Variants in SNX4 observed in about 807,000 individuals in gnomAD.
SNX4 encodes sorting nexin 4, also known as sorting nexin-4.
Under a neutral mutation model 70.8 loss-of-function variants are expected in SNX4, and 49 were observed. The ratio of observed to expected loss-of-function variants is 0.69; its 90% CI spans 0.55 to 0.88. SNX4 has a LOEUF of 0.88. SNX4 is among the 40% of genes least tolerant of loss of function. The probability of loss-of-function intolerance (pLI) is 0.00; values close to 1 mark genes in which losing one functional copy is unlikely to be tolerated. For missense variants in SNX4, 528 were observed against 544.8 expected (o/e 0.97, Z 0.31); for synonymous variants, 206 against 183.8 (o/e 1.12, Z -0.98).
At chr3:125,459,220 C>T (rs1243164661) in intron 10 of SNX4, among the ~76,000 whole-genome samples, 1 of 151,874 alleles carries the variant, frequency 6.6e-6, no homozygotes, top group Non-Finnish European at 1.5e-5. Context: ...CAAGAACACT[C>T]TCTTTCCTCC....
intron 8 of SNX4, among the ~76,000 whole-genome samples, chr3:125,475,954 C>T (rs1934280264): frequency 6.6e-6 from 1 of 150,418 alleles, no homozygotes; most frequent in Non-Finnish European, 1.5e-5. Context: ...ACTCCAGCCT[C>T]GGTGACAAAG....
chr3:125,486,142 G>C (rs1403673432), intron 6 of SNX4, among the ~76,000 whole-genome samples: 1 of 152,116 alleles, frequency 6.6e-6, no homozygotes, highest in Non-Finnish European at 1.5e-5. Context: ...CCTGGCCTCT[G>C]TAAGCATTCT....
At chr3:125,477,179 G>A (rs114294026) in intron 7 of SNX4, among the ~76,000 whole-genome samples, 10,282 of 152,158 alleles carry the variant, frequency 0.068, 474 homozygotes, top group Non-Finnish European at 0.1. Flanking sequence ...CTGAGAATAA[G>A]CCTTTTTCCC....
chr3:125,515,722 T>C (rs549420429), intron 1 of SNX4, among the ~76,000 whole-genome samples: 3 of 147,126 alleles, frequency 2.0e-5, no homozygotes, highest in East Asian at 2.0e-4. Flanking sequence ...TTCAAAAAAA[T>C]CTGAGAGCCA....
At chr3:125,518,538 T>A (rs751258650) in intron 1 of SNX4, among the ~76,000 whole-genome samples, 1 of 152,144 alleles carries the variant, frequency 6.6e-6, no homozygotes, top group Non-Finnish European at 1.5e-5. Flanking sequence ...CAGGCAAAAC[T>A]TTCAAATCCT....
At chr3:125,447,890 G>C in intron 13 of SNX4, 64 bp from the exon 14 acceptor site, 1 of 1,037,426 alleles carries the variant, frequency 9.6e-7, no homozygotes, top group South Asian at 1.5e-5. Context: ...CCAAGTACTT[G>C]GCTTAGTGGT....
chr3:125,484,968 A>G (rs1934489215), intron 6 of SNX4, among the ~76,000 whole-genome samples: 1 of 152,106 alleles, frequency 6.6e-6, no homozygotes, highest in Non-Finnish European at 1.5e-5. Context: ...TGGGAGGCTG[A>G]GGCAGAGAGA....
At chr3:125,498,335 T>C in intron 2 of SNX4, 141 bp from the exon 3 acceptor site, 3 of 853,108 alleles carry the variant, frequency 3.5e-6, no homozygotes, top group Non-Finnish European at 5.2e-6. Context: ...TTTTTCTTTT[T>C]TTTCAAGACA....
intron 1 of SNX4, among the ~76,000 whole-genome samples, chr3:125,516,755 C>T (rs1289481040): frequency 6.6e-6 from 1 of 152,142 alleles, no homozygotes; most frequent in African/African-American, 2.4e-5. Context: ...GCACAAGAAT[C>T]ACTTGAACGC....
chr3:125,499,434 A>AT (rs777359355), intron 2 of SNX4, among the ~76,000 whole-genome samples: 70 of 152,308 alleles, frequency 4.6e-4, no homozygotes, highest in Admixed American at 1.0e-3. Flanking sequence ...CATTTTTATC[A>AT]TTTTTTAAGT....
intron 1 of SNX4, among the ~76,000 whole-genome samples, chr3:125,508,322 C>T (rs947540984): frequency 6.6e-6 from 1 of 152,180 alleles, no homozygotes; most frequent in Admixed American, 6.5e-5. Flanking sequence ...AATCCCAGCA[C>T]TTTGGGAGGC....
At chr3:125,482,413 T>C (rs1181240050) in intron 6 of SNX4, among the ~76,000 whole-genome samples, 1 of 152,172 alleles carries the variant, frequency 6.6e-6, no homozygotes, top group African/African-American at 2.4e-5. Context: ...ATTCCACTAA[T>C]TGCCCAGTCT....
At chr3:125,513,919 G>A (rs1935220602) in intron 1 of SNX4, among the ~76,000 whole-genome samples, 1 of 152,180 alleles carries the variant, frequency 6.6e-6, no homozygotes, top group African/African-American at 2.4e-5. Context: ...CAGTCCCGGA[G>A]GCTGGGAAGT....
chr3:125,494,062 T>A (rs1934726913), intron 5 of SNX4, among the ~76,000 whole-genome samples: 1 of 150,772 alleles, frequency 6.6e-6, no homozygotes, highest in African/African-American at 2.4e-5. Flanking sequence ...AAAATATTAA[T>A]CTAGTACGCC....
At position 125,451,460 on chromosome 3, in the gene SNX4, A is replaced by G. The variant is rs1195330585; in HGVS notation, c.1191-41T>C. ...TAGCCATTATTATTATTTAAGTTAA[A>G]TAAACTGTGTACTAAAAAGTTAACC... On this transcript the variant is annotated intron_variant, in intron 12 of 13. Transcript: ENST00000251775. 2.1e-6 allele frequency: 3 copies of G among 1,439,498 alleles called. No homozygotes were observed. In the Admixed American group the frequency reaches 5.1e-5, roughly 25 times the overall value. The allele number at this position is 1,439,498 out of a possible 1,614,324, so 89.2% of individuals were successfully genotyped here.
intron 9 of SNX4, among the ~76,000 whole-genome samples, chr3:125,468,683 A>C (rs1160961758): frequency 6.6e-6 from 1 of 152,080 alleles, no homozygotes; most frequent in Non-Finnish European, 1.5e-5. Context: ...CTGCCTCTAC[A>C]AAAAAATAAA....
intron 1 of SNX4, among the ~76,000 whole-genome samples, chr3:125,514,830 C>G (rs1045673088): frequency 6.6e-6 from 1 of 152,126 alleles, no homozygotes; most frequent in African/African-American, 2.4e-5. Context: ...ACCAAAGGCA[C>G]AGGTCACCAC....
At chr3:125,497,302 T>C (rs772872667) in intron 5 of SNX4, 39 bp downstream of exon 5, 97 of 1,418,978 alleles carry the variant, frequency 6.8e-5, no homozygotes, top group Non-Finnish European at 9.4e-5. Context: ...TGCTGGGAAC[T>C]GTAAAGGAAC....
At chr3:125,464,168 A>G (rs1933951457) in intron 9 of SNX4, among the ~76,000 whole-genome samples, 1 of 152,136 alleles carries the variant, frequency 6.6e-6, no homozygotes, top group African/African-American at 2.4e-5. Context: ...CATTACCACC[A>G]CCCACCTCCA....
Sources: gnomAD v4.1 joint callset for allele counts (sites outside exome capture counted in the v4.1 genomes callset) on GRCh38, gnomAD v4.1.1 for gene constraint, MANE v1.5 for transcripts, NCBI Gene and HGNC (gene_info 2026-07-23, HGNC 2026-07-21) for gene names.